COL11A1: variants seen among roughly 807,000 people sequenced by gnomAD.
COL11A1 encodes collagen type XI alpha 1 chain.
Under a neutral mutation model 265.2 loss-of-function variants are expected in COL11A1, and 74 were observed. The observed-to-expected ratio is 0.28, with a 90% CI of 0.23 to 0.34. The LOEUF (loss-of-function observed/expected upper bound fraction) is 0.34. Ranked by LOEUF, COL11A1 falls within the 10% of genes least tolerant of loss-of-function variation. The probability of loss-of-function intolerance (pLI) is 1.00; values close to 1 mark genes in which losing one functional copy is unlikely to be tolerated. For synonymous variants in COL11A1, 816 were observed against 727.6 expected, an observed-to-expected ratio of 1.12 and a Z score of -1.96; for missense variants, 2,165 against 2,263.6, an observed-to-expected ratio of 0.96 and a Z score of 0.88.
At position 102,939,380 on chromosome 1, in the gene COL11A1, A is replaced by T. The variant is rs1463047; in HGVS notation, c.3385-292T>A. On this transcript the variant is annotated intron_variant, in intron 43 of 66. Transcript: ENST00000370096. Reference sequence around the variant, plus strand: ...AAACTGGTAACGGAAATACACTGACATATAAAATCTATAATTACACATTAA... The same window carrying T: ...AAACTGGTAACGGAAATACACTGACTTATAAAATCTATAATTACACATTAA... 0.94 allele frequency among the ~76,000 whole-genome samples: 143,338 copies of T among 152,228 alleles called. 67,714 individuals carry two copies. Among genetic ancestry groups the T allele is most frequent in the East Asian group, 1 (5,180 of 5,180 alleles).
chr1:103,050,765 A>G (rs1669747524), intron 4 of COL11A1, among the ~76,000 whole-genome samples: 3 of 152,144 alleles, frequency 2.0e-5, no homozygotes, highest in African/African-American at 7.2e-5. Flanking sequence ...ATGGTGACGT[A>G]CAGATGGGTT....
chr1:102,931,802 A>G (rs895567711), intron 46 of COL11A1, among the ~76,000 whole-genome samples: 1 of 151,704 alleles, frequency 6.6e-6, no homozygotes, highest in African/African-American at 2.4e-5. Context: ...TATATTTAGG[A>G]TAGTTAGCTC....
intron 46 of COL11A1, among the ~76,000 whole-genome samples, chr1:102,930,004 G>A (rs1377875793): frequency 2.0e-5 from 3 of 151,970 alleles, no homozygotes; most frequent in African/African-American, 7.3e-5. Flanking sequence ...GAGACAATGG[G>A]GTTTTCTAGA....
chr1:102,904,885 A>G (rs1653724483), intron 54 of COL11A1, among the ~76,000 whole-genome samples: 1 of 152,164 alleles, frequency 6.6e-6, no homozygotes, highest in Non-Finnish European at 1.5e-5. Flanking sequence ...GTATATACCC[A>G]AAGGATTATA....
intron 40 of COL11A1, 33 bp downstream of exon 40, chr1:102,962,131 AACAATTGGAATC>A: frequency 6.8e-7 from 1 of 1,478,740 alleles, no homozygotes; most frequent in Non-Finnish European, 9.5e-7. Context: ...GCTTCTAATA[AACAATTGGAATC>A]ACTTGCTTTA....
intron 11 of COL11A1, 119 bp from the exon 12 acceptor site, chr1:103,015,861 TTTAG>T: frequency 1.5e-6 from 1 of 673,540 alleles, no homozygotes; most frequent in Admixed American, 2.7e-5. Context: ...TTCCACCTTA[TTTAG>T]TCTGTTTTTA....
intron 2 of COL11A1, 75 bp downstream of exon 2, chr1:103,082,730 A>G: frequency 7.9e-7 from 1 of 1,266,326 alleles, no homozygotes. Flanking sequence ...AGAAATACTA[A>G]AAGTAGTTTT....
chr1:103,028,439 C>T (rs1280713934), intron 5 of COL11A1, among the ~76,000 whole-genome samples: 2 of 152,036 alleles, frequency 1.3e-5, no homozygotes, highest in African/African-American at 2.4e-5. Context: ...TTAGTATATT[C>T]GCAATATATA....
intron 35 of COL11A1, among the ~76,000 whole-genome samples, chr1:102,976,288 G>GTTTTTTTTTTTTTTTTTTTTTTTTTT: frequency 2.2e-5 from 1 of 45,242 alleles, no homozygotes; most frequent in Non-Finnish European, 5.8e-5. Flanking sequence ...GAAAACGTTG[G>GTTTTTTTTTTTTTTTTTTTTTTTTTT]CTTTTTTTTT....
At chr1:102,921,691 G>C (rs1451343391) in intron 47 of COL11A1, 120 bp from the exon 48 acceptor site, 2 of 806,254 alleles carry the variant, frequency 2.5e-6, no homozygotes, top group Non-Finnish European at 2.1e-6. Context: ...AGTTAGTGAA[G>C]CACATCAGGG....
rs1380267606 is a variant in COL11A1 at position 102,921,719 on chromosome 1, T to C, written c.3655-148A>G. 5 of 666,852 alleles carry C rather than the reference T, an allele frequency of 7.5e-6. No individual in the cohort carries two copies. The African/African-American group carries it at 9.0e-5, about 12-fold the overall frequency. The allele number at this position is 666,852 out of a possible 1,614,324, so 41.3% of individuals were successfully genotyped here. On this transcript the variant is annotated intron_variant, in intron 47 of 66. Coordinates refer to ENST00000370096, the MANE Select transcript of COL11A1 (RefSeq NM_001854.4). ...CATCAGGGTTATAAGTCATCCTTCA[T>C]GGATACAACATCATGTTAGCAAATG...
intron 26 of COL11A1, among the ~76,000 whole-genome samples, 178 bp from the exon 27 acceptor site, chr1:102,996,220 T>C (rs933704634): frequency 7.2e-5 from 11 of 152,132 alleles, no homozygotes; most frequent in Non-Finnish European, 1.2e-4. Flanking sequence ...GAGAAAAACA[T>C]GTAACTAGCA....
In COL11A1 at chr1:103,047,330, G is replaced by T. The variant is rs550640252; in HGVS notation, c.652-16086C>A. ...CTTGAAGAGGTCCTTCACATCCCTT[G>T]TAAGTTGGATTCCTAGGTATTTTAT... On this transcript the variant is annotated intron_variant, in intron 4 of 66. Transcript: ENST00000370096. Among the ~76,000 whole-genome samples, 8 of 152,226 alleles carry T rather than the reference G, an allele frequency of 5.3e-5. No individual in the cohort carries two copies. In the South Asian group the frequency reaches 1.0e-3, roughly 20 times the overall value.
At chr1:102,894,483 G>A (rs989370818) in intron 57 of COL11A1, among the ~76,000 whole-genome samples, 20 of 152,040 alleles carry the variant, frequency 1.3e-4, no homozygotes, top group Non-Finnish European at 2.6e-4. Context: ...GTAGTGACTC[G>A]TGATTGTGCC....
At chr1:102,886,764 C>G (rs1432790628) in intron 63 of COL11A1, 43 bp downstream of exon 63, 2 of 1,613,256 alleles carry the variant, frequency 1.2e-6, no homozygotes, top group East Asian at 2.2e-5. Context: ...CTCAGAAACT[C>G]AGGGGCTCGG....
At chr1:103,105,981 G>C (rs1388592493) in intron 1 of COL11A1, among the ~76,000 whole-genome samples, 1 of 152,132 alleles carries the variant, frequency 6.6e-6, no homozygotes, top group Non-Finnish European at 1.5e-5. Context: ...GGCATTTCAT[G>C]AAGAAGAAAC....
chr1:102,920,140 ATTGCAAAATCATTTT>A, intron 49 of COL11A1, among the ~76,000 whole-genome samples, 156 bp downstream of exon 49: 1 of 152,250 alleles, frequency 6.6e-6, no homozygotes, highest in South Asian at 2.1e-4. Flanking sequence ...AAAACACAAT[ATTGCAAAATCATTTT>A]AACTTTAATT....
intron 37 of COL11A1, among the ~76,000 whole-genome samples, chr1:102,968,083 G>A (rs1217347656): frequency 2.0e-5 from 3 of 151,982 alleles, no homozygotes; most frequent in Non-Finnish European, 4.4e-5. Context: ...TTTGATCTTG[G>A]GGATCTTACA....
chr1:102,998,155 G>C (rs750091766), intron 25 of COL11A1, among the ~76,000 whole-genome samples, 155 bp downstream of exon 25: 2 of 151,750 alleles, frequency 1.3e-5, no homozygotes, highest in Non-Finnish European at 2.9e-5. Context: ...ATATGGAAGT[G>C]ATATGATGAA....
Sources: gnomAD v4.1 joint callset for allele counts (sites outside exome capture counted in the v4.1 genomes callset) on GRCh38, gnomAD v4.1.1 for gene constraint, MANE v1.5 for transcripts, NCBI Gene and HGNC (gene_info 2026-07-23, HGNC 2026-07-21) for gene names.